ACSM6: variants seen among roughly 807,000 people sequenced by gnomAD.
The protein encoded by ACSM6 is acyl-coenzyme A synthetase ACSM6, mitochondrial.
Under a neutral mutation model 51.1 loss-of-function variants are expected in ACSM6, and 35 were observed. That is an observed-to-expected ratio of 0.69 (90% CI 0.52 to 0.91). The LOEUF is 0.91. ACSM6 is among the 40% of genes least tolerant of loss of function. The probability of loss-of-function intolerance (pLI) is 0.00; values close to 1 mark genes in which losing one functional copy is unlikely to be tolerated. For missense variants in ACSM6, 509 were observed against 584.1 expected (o/e 0.87, Z 1.32); for synonymous variants, 172 against 207.3 (o/e 0.83, Z 1.46).
intron 3 of ACSM6, among the ~76,000 whole-genome samples, chr10:95,206,833 AC>A (rs1274633697): frequency 6.6e-6 from 1 of 152,194 alleles, no homozygotes; most frequent in Non-Finnish European, 1.5e-5. Context: ...CCAGAAATCC[AC>A]AGCAAAAGCC....
At chr10:95,225,507 A>T in intron 10 of ACSM6, 116 bp downstream of exon 10, 3 of 704,706 alleles carry the variant, frequency 4.3e-6, no homozygotes, top group Non-Finnish European at 6.6e-6. Flanking sequence ...TTAATTTTGC[A>T]AATTTTTGAG....
intron 3 of ACSM6, among the ~76,000 whole-genome samples, chr10:95,204,161 T>C (rs906539819): frequency 1.3e-5 from 2 of 152,234 alleles, no homozygotes; most frequent in African/African-American, 4.8e-5. Flanking sequence ...AAAGCAGGGC[T>C]ATCATTTTCA....
At position 95,219,944 on chromosome 10, in the gene ACSM6, G is replaced by A. The variant is rs201299940; in HGVS notation, c.1173G>A (p.Gly391=). ...TAAAATTGAAGCCAAGCTCTCTGGGGAAGCCATTGCCACCTTATATTGTCC... is the reference window on the plus strand; with the variant it reads ...TAAAATTGAAGCCAAGCTCTCTGGGAAAGCCATTGCCACCTTATATTGTCC... Residue 391 remains glycine (G), a synonymous_variant, in exon 9 of 11, where the codon GGG becomes GGA. Coordinates refer to ENST00000341686, the Ensembl canonical transcript of ACSM6. The A allele has an allele frequency of 2.9e-4, 470 of 1,613,448 alleles. 2 individuals are homozygous for A. Among genetic ancestry groups the A allele is most frequent in the Non-Finnish European group, 4.7e-5 (56 of 1,179,544 alleles).
At chr10:95,207,328 C>A (rs758336735) in exon 4 of ACSM6, 2 of 1,614,150 alleles carry the variant, frequency 1.2e-6, no homozygotes, top group Admixed American at 1.7e-5. Flanking sequence ...GTAAACTCTG[C>A]CGTGTCCGAC....
exon 11 of ACSM6, chr10:95,228,793 G>T: frequency 6.4e-7 from 1 of 1,550,510 alleles, no homozygotes; most frequent in South Asian, 1.2e-5. Context: ...GAATGCTTTG[G>T]TTATTGCTAT....
intron 2 of ACSM6, among the ~76,000 whole-genome samples, chr10:95,196,247 A>G (rs921001689): frequency 6.6e-6 from 1 of 152,212 alleles, no homozygotes; most frequent in Non-Finnish European, 1.5e-5. Context: ...GGCCCTACCC[A>G]GCAGAAGCTT....
In ACSM6 at chr10:95,219,750, T is replaced by C. The variant is rs2034977120; in HGVS notation, c.1120-141T>C. The C allele has an allele frequency of 7.5e-6, 4 of 532,770 alleles. No individual in the cohort carries two copies. In the South Asian group the frequency reaches 8.9e-5, roughly 12 times the overall value. 33.0% of individuals were successfully genotyped at this position (532,770 alleles called of 1,614,324 possible). A position where few individuals can be genotyped will look rare whatever the true frequency, so the allele number is the denominator to read the frequency against. ...TTAATTTAGTCACACTCCTGCTTGA[T>C]TTTTTTTTAATCAAGATTACTTGTT... On this transcript the variant is annotated intron_variant, in intron 8 of 10. Coordinates refer to ENST00000341686, the Ensembl canonical transcript of ACSM6.
exon 1 of ACSM6, chr10:95,194,272 G>A: frequency 2.0e-6 from 1 of 492,570 alleles, no homozygotes; most frequent in Non-Finnish European, 3.6e-6. Flanking sequence ...CCAAACATCT[G>A]AAGCCCCCCA....
At chr10:95,220,073 C>G (rs628102) in intron 9 of ACSM6, 102 bp downstream of exon 9, 468,106 of 889,110 alleles carry the variant, frequency 0.53, 130,696 homozygotes, top group Middle Eastern at 0.63. Flanking sequence ...GGAAAGTCCA[C>G]CATTCTCTAA....
chr10:95,211,984 T>G lies in ACSM6; in HGVS notation c.862T>G (p.Cys288Gly), dbSNP rs139702422. Reference sequence around the variant, plus strand: ...CTTGGGAACTTGGTTCCAAGGAGCCTGTGTGTTTCTGTGTCACATGCCAAC... The same window carrying G: ...CTTGGGAACTTGGTTCCAAGGAGCCGGTGTGTTTCTGTGTCACATGCCAAC... Residue 288 changes from cysteine to glycine, a missense_variant, in exon 6 of 11, where the codon TGT (cysteine) becomes GGT (glycine). Cys to Gly is a radical substitution (Grantham distance 159). Transcript: ENST00000341686. 9.0e-5 allele frequency: 146 copies of G among 1,614,132 alleles called. No individual in the cohort carries two copies. In the African/African-American group the frequency reaches 1.9e-3, roughly 20 times the overall value.
At chr10:95,197,072 A>G (rs981094242) in intron 2 of ACSM6, among the ~76,000 whole-genome samples, 9 of 152,238 alleles carry the variant, frequency 5.9e-5, no homozygotes, top group African/African-American at 1.9e-4. Flanking sequence ...TCTACAAAAA[A>G]GTGCCAATTC....
chr10:95,226,346 A>C (rs2035039295), intron 10 of ACSM6: 1 of 152,190 alleles, frequency 6.6e-6, no homozygotes, highest in South Asian at 2.1e-4. Context: ...AGATGGACAG[A>C]TCACTTGAGC....
chr10:95,200,126 A>T (rs2034776824), intron 2 of ACSM6, among the ~76,000 whole-genome samples: 1 of 152,210 alleles, frequency 6.6e-6, no homozygotes, highest in Admixed American at 6.5e-5. Context: ...GACTGGATTT[A>T]GAAAATGTGG....
intron 10 of ACSM6, chr10:95,226,359 AG>A (rs2035039449): frequency 2.0e-5 from 3 of 152,194 alleles, no homozygotes; most frequent in Admixed American, 2.0e-4. Flanking sequence ...ACTTGAGCCC[AG>A]GGGTTCAAGA....
intron 8 of ACSM6, among the ~76,000 whole-genome samples, chr10:95,215,505 A>C (rs2034935491): frequency 2.0e-5 from 3 of 152,208 alleles, no homozygotes; most frequent in Non-Finnish European, 2.9e-5. Flanking sequence ...AACAGGATTA[A>C]CATTTTGCCA....
chr10:95,225,366 C>T, exon 10 of ACSM6: 1 of 1,551,228 alleles, frequency 6.4e-7, no homozygotes, highest in Non-Finnish European at 8.7e-7. Flanking sequence ...CTAAACCAAC[C>T]TGCTTCTCTG....
intron 10 of ACSM6, among the ~76,000 whole-genome samples, chr10:95,227,264 C>T (rs1195871144): frequency 2.0e-5 from 3 of 151,992 alleles, no homozygotes; most frequent in South Asian, 2.1e-4. Context: ...CAACAGCCAC[C>T]GCACCCAGCC....
At chr10:95,213,016 T>C in intron 7 of ACSM6, 76 bp downstream of exon 7, 1 of 1,244,950 alleles carries the variant, frequency 8.0e-7, no homozygotes. Context: ...CCTTAATTTG[T>C]TGAAGTAGAT....
At chr10:95,198,181 A>G (rs1355276520) in intron 2 of ACSM6, among the ~76,000 whole-genome samples, 2 of 152,046 alleles carry the variant, frequency 1.3e-5, no homozygotes, top group African/African-American at 2.4e-5. Context: ...CCCTTTCTAC[A>G]TAGACACAGT....
Sources: gnomAD v4.1 joint callset for allele counts (sites outside exome capture counted in the v4.1 genomes callset) on GRCh38, gnomAD v4.1.1 for gene constraint, MANE v1.5 for transcripts, NCBI Gene and HGNC (gene_info 2026-07-23, HGNC 2026-07-21) for gene names.